CPNE1: variants seen among roughly 807,000 people sequenced by gnomAD.
CPNE1 encodes the protein copine-1.
In CPNE1, 58 loss-of-function variants were observed where a neutral mutation model predicts 63.2. The observed-to-expected ratio is 0.92, with a 90% CI of 0.74 to 1.14. The LOEUF (loss-of-function observed/expected upper bound fraction) is 1.14, where lower values mean the gene tolerates loss of function less well. CPNE1 is among the 50% of genes most tolerant of loss of function. CPNE1 has a pLI of 0.00. For synonymous variants in CPNE1, 237 were observed against 249.0 expected, an observed-to-expected ratio of 0.95 and a Z score of 0.45; for missense variants, 672 against 661.7, an observed-to-expected ratio of 1.02 and a Z score of -0.17.
chr20:35,632,414 G>C (rs370436948), intron 3 of CPNE1, 29 bp from the exon 4 acceptor site: 8 of 1,612,062 alleles, frequency 5.0e-6, no homozygotes, highest in Non-Finnish European at 6.8e-6. Flanking sequence ...GGGAGTTTCA[G>C]GATAACAGGC....
At chr20:35,645,238 C>A (rs543460694) in intron 1 of CPNE1, among the ~76,000 whole-genome samples, 1 of 152,308 alleles carries the variant, frequency 6.6e-6, no homozygotes, top group African/African-American at 2.4e-5. Flanking sequence ...GCCCCTTACC[C>A]TTCACTGGAA....
chr20:35,630,353 A>G (rs2032037488), intron 13 of CPNE1, 86 bp downstream of exon 13: 1 of 1,001,034 alleles, frequency 1.0e-6, no homozygotes, highest in Admixed American at 2.2e-5. Context: ...GAAGGCAGGT[A>G]TCTGCCCCCA....
At position 35,657,476 on chromosome 20, in the gene CPNE1, GAGAGACT is replaced by G. The variant is rs138176785; in HGVS notation, c.-1+7277_-1+7283del. ...TACTCAAAACAACTTGAGAGAGAGA[GAGAGACT>G]AGTTTGCACTGGGACAATCAAACAG... On this transcript the variant is annotated intron_variant, in intron 1 of 15. Coordinates refer to ENST00000397443, the MANE Select transcript of CPNE1 (RefSeq NM_152925.3). 9.1e-3 allele frequency among the ~76,000 whole-genome samples: 1,380 copies of G among 152,320 alleles called. 24 individuals carry two copies. Among genetic ancestry groups the G allele is most frequent in the African/African-American group, 0.032 (1,322 of 41,564 alleles).
chr20:35,626,593 A>C lies in CPNE1; in HGVS notation c.1447T>G (p.Phe483Val). ...TTCTGGAACCGGCGGTAGGGTACAA[A>C]CTGCACAATGTCGCGGGCAGCAGCC... ...GQAAARDIVQ[F>V]VPYRRFQNAP... is the part of the protein sequence containing the mutation. The change falls in exon 15 of 16, where the codon TTT becomes GTT. Residue 483 changes from phenylalanine to valine, a missense_variant. Physicochemically the swap from Phe to Val is conservative, Grantham distance 50 (BLOSUM62 -1). Coordinates refer to ENST00000397443, the MANE Select transcript of CPNE1 (RefSeq NM_152925.3). The C allele has an allele frequency of 6.2e-7, 1 of 1,614,142 alleles. No homozygotes were observed. The highest frequency in any genetic ancestry group is 8.5e-7 in the Non-Finnish European group (1 of 1,180,010).
At chr20:35,647,803 C>T (rs921636446) in intron 1 of CPNE1, among the ~76,000 whole-genome samples, 4 of 151,532 alleles carry the variant, frequency 2.6e-5, no homozygotes, top group African/African-American at 9.7e-5. Context: ...GCCTGTAATC[C>T]CAGCACTTTG....
chr20:35,639,625 C>T (rs1017785889), intron 1 of CPNE1, among the ~76,000 whole-genome samples: 4 of 152,330 alleles, frequency 2.6e-5, no homozygotes, highest in East Asian at 1.9e-4. Flanking sequence ...CATGAGCCAC[C>T]GCACCCAGCT....
chr20:35,631,012 G>A lies in CPNE1; in HGVS notation c.884C>T (p.Ser295Phe), dbSNP rs1188945328. The A allele has an allele frequency of 6.2e-7, 1 of 1,613,582 alleles. No individual in the cohort carries two copies. The highest frequency in any genetic ancestry group is 1.3e-5 in the African/African-American group (1 of 74,716). ...NFTVGVDFTG[S>F]NGDPSSPDSL... is the part of the protein sequence containing the mutation. ...GTCAGGTGAGGAGGGGTCTCCATTG[G>A]AGCCAGTGAAGTCCACGCCCACCTG... The change falls in exon 11 of 16, where the codon TCC (serine) becomes TTC (phenylalanine). Residue 295 changes from serine to phenylalanine, a missense_variant. Physicochemically the swap from Ser to Phe is radical, Grantham distance 155. Transcript: ENST00000397443.
chr20:35,657,558 G>T (rs79311039), intron 1 of CPNE1, among the ~76,000 whole-genome samples: 4,214 of 152,168 alleles, frequency 0.028, 72 homozygotes, highest in African/African-American at 0.038. Context: ...GGGCTAAAGT[G>T]ACATACACAG....
Position 35,657,244 on chromosome 20 carries a change from AC to A in CPNE1, c.-1+7515del, listed in dbSNP as rs1298124124. ...CAACAAGAAAAATTAACGCTAAAAA[AC>A]ATCACACCAACAGTCTCTTTTCTCA... is the stretch of plus-strand genomic sequence containing the variant. On this transcript the variant is annotated intron_variant, in intron 1 of 15. Transcript: ENST00000397443. Among the ~76,000 whole-genome samples, 4 of 152,230 alleles carry A rather than the reference AC, an allele frequency of 2.6e-5. No individual in the cohort carries two copies. The South Asian group carries it at 6.2e-4, about 24-fold the overall frequency.
At chr20:35,650,299 G>A (rs1387523765) in intron 1 of CPNE1, 1 of 152,156 alleles carries the variant, frequency 6.6e-6, no homozygotes, top group East Asian at 1.9e-4. Context: ...ATTTATCTAA[G>A]ATGTAGAAAT....
chr20:35,645,011 C>T (rs549494552), intron 1 of CPNE1, among the ~76,000 whole-genome samples: 5 of 152,150 alleles, frequency 3.3e-5, no homozygotes, highest in Non-Finnish European at 5.9e-5. Context: ...CTGAAATCTA[C>T]ATTCTTTTAA....
intron 1 of CPNE1, among the ~76,000 whole-genome samples, chr20:35,656,251 C>T (rs774733592): frequency 8.5e-5 from 13 of 152,120 alleles, no homozygotes; most frequent in Admixed American, 2.6e-4. Context: ...TGTTTTAGAA[C>T]CAGAGTGTGA....
intron 1 of CPNE1, among the ~76,000 whole-genome samples, chr20:35,646,052 G>A (rs1321727290): frequency 2.6e-5 from 4 of 151,032 alleles, no homozygotes; most frequent in Admixed American, 6.6e-5. Context: ...AGACCGGCCT[G>A]AGCCACATAG....
At chr20:35,635,165 G>A (rs1260271377) in intron 1 of CPNE1, among the ~76,000 whole-genome samples, 1 of 151,656 alleles carries the variant, frequency 6.6e-6, no homozygotes, top group Non-Finnish European at 1.5e-5. Context: ...AATCTTCCCT[G>A]TTTTATATAT....
At chr20:35,643,704 CCTAAGCAACAGAGTGAG>C (rs766354996) in intron 1 of CPNE1, among the ~76,000 whole-genome samples, 7 of 152,042 alleles carry the variant, frequency 4.6e-5, no homozygotes, top group Non-Finnish European at 1.0e-4. Context: ...TGCACTGCAG[CCTAAGCAACAGAGTGAG>C]ACTCTGTTGC....
rs376653818 is a variant in CPNE1 at position 35,637,067 on chromosome 20, T to A, written c.1-4144A>T. On this transcript the variant is annotated intron_variant, in intron 1 of 15. Transcript: ENST00000397443. ...ACAAAAACAAAACAAGCAAAATAAA[T>A]AAAAAGGCCTCATCAGCTTTCCCCC... Among the ~76,000 whole-genome samples, 96 of 152,200 alleles carry A rather than the reference T, an allele frequency of 6.3e-4. No homozygotes were observed. In the East Asian group the frequency reaches 0.018, roughly 28 times the overall value.
At chr20:35,627,460 A>G in intron 13 of CPNE1, 47 bp from the exon 14 acceptor site, 1 of 1,595,880 alleles carries the variant, frequency 6.3e-7, no homozygotes, top group East Asian at 2.2e-5. Flanking sequence ...ACCTCTCAGG[A>G]CTACACCAGT....
chr20:35,627,611 A>C, intron 13 of CPNE1, 198 bp from the exon 14 acceptor site: 2 of 493,138 alleles, frequency 4.1e-6, no homozygotes, highest in Non-Finnish European at 7.1e-6. Context: ...CTTGCCCTAA[A>C]TCACAGCTTG....
rs778437626 is a variant in CPNE1 at position 35,631,936 on chromosome 20, G to T, written c.537+9C>A. The T allele has an allele frequency of 1.2e-6, 2 of 1,612,666 alleles. No homozygotes were observed. Among genetic ancestry groups the T allele is most frequent in the South Asian group, 1.1e-5 (1 of 91,026 alleles). On this transcript the variant is annotated intron_variant, in intron 6 of 15. Transcript: ENST00000397443. ...TACCCCAGCCCACCCAATCCCAGGG[G>T]TCTCATACCTCAGATCTGTACACCA...
Sources: gnomAD v4.1 joint callset for allele counts (sites outside exome capture counted in the v4.1 genomes callset) on GRCh38, gnomAD v4.1.1 for gene constraint, MANE v1.5 for transcripts, NCBI Gene and HGNC (gene_info 2026-07-23, HGNC 2026-07-21) for gene names.